The following TMEM132D variants were observed in gnomAD, a reference collection of about 807,000 sequenced individuals.
TMEM132D encodes the protein mature OL transmembrane protein.
In TMEM132D, 21 loss-of-function variants were observed where a neutral mutation model predicts 62.3. The ratio of observed to expected loss-of-function variants is 0.34; its 90% confidence interval spans 0.24 to 0.49. TMEM132D has a LOEUF of 0.49. Among genes scored for constraint, TMEM132D ranks in the 20% least tolerant of loss-of-function variants. TMEM132D has a pLI of 0.99. For synonymous variants in TMEM132D, 621 were observed against 575.6 expected, an observed-to-expected ratio of 1.08 and a Z score of -1.13; for missense variants, 1,346 against 1,402.8, an observed-to-expected ratio of 0.96 and a Z score of 0.65.
At chr12:129,263,720 T>C (rs1358522641) in intron 4 of TMEM132D, among the ~76,000 whole-genome samples, 1 of 151,996 alleles carries the variant, frequency 6.6e-6, no homozygotes, top group Non-Finnish European at 1.5e-5. Flanking sequence ...CTGAGGCACT[T>C]GTGCTTCCAA....
At chr12:129,391,233 G>A (rs1208324973) in intron 3 of TMEM132D, among the ~76,000 whole-genome samples, 2 of 152,156 alleles carry the variant, frequency 1.3e-5, no homozygotes, top group Non-Finnish European at 2.9e-5. Context: ...ATAATAAAAT[G>A]ATCAACAGAT....
chr12:129,509,101 C>G (rs1409005158), intron 3 of TMEM132D, among the ~76,000 whole-genome samples: 2 of 152,112 alleles, frequency 1.3e-5, no homozygotes, highest in Non-Finnish European at 2.9e-5. Flanking sequence ...TTGAATGATT[C>G]AGAATGCCTC....
chr12:129,604,585 C>G (rs906524667), intron 2 of TMEM132D, among the ~76,000 whole-genome samples: 1 of 152,158 alleles, frequency 6.6e-6, no homozygotes, highest in Non-Finnish European at 1.5e-5. Context: ...CATTTCCAGA[C>G]CTGACCCAAC....
chr12:129,514,841 C>T (rs1213685934), intron 3 of TMEM132D, among the ~76,000 whole-genome samples: 1 of 152,128 alleles, frequency 6.6e-6, no homozygotes, highest in Non-Finnish European at 1.5e-5. Context: ...CCCTCCAACC[C>T]CCTGAAATTG....
At chr12:129,842,810 C>T (rs532836940) in intron 1 of TMEM132D, among the ~76,000 whole-genome samples, 1 of 152,238 alleles carries the variant, frequency 6.6e-6, no homozygotes, top group East Asian at 1.9e-4. Context: ...GCCGATCTCC[C>T]CTTTCAGTGG....
At chr12:129,580,847 G>T (rs547350812) in intron 2 of TMEM132D, among the ~76,000 whole-genome samples, 1 of 152,246 alleles carries the variant, frequency 6.6e-6, no homozygotes, top group East Asian at 1.9e-4. Flanking sequence ...TCATGGGCAG[G>T]AGTCTGATAT....
intron 5 of TMEM132D, among the ~76,000 whole-genome samples, chr12:129,100,629 G>A (rs1173359436): frequency 1.3e-5 from 2 of 152,164 alleles, no homozygotes; most frequent in Non-Finnish European, 2.9e-5. Context: ...ATATAATAAG[G>A]CCTCAATAAT....
intron 1 of TMEM132D, among the ~76,000 whole-genome samples, chr12:129,848,366 A>G (rs1429117789): frequency 6.6e-6 from 1 of 152,178 alleles, no homozygotes; most frequent in Admixed American, 6.5e-5. Flanking sequence ...AGAAGTGACA[A>G]TTTTTCTTCT....
At chr12:129,899,349 T>C (rs1225534789) in intron 1 of TMEM132D, among the ~76,000 whole-genome samples, 6 of 127,968 alleles carry the variant, frequency 4.7e-5, no homozygotes, top group African/African-American at 1.8e-4. Flanking sequence ...GGATGATGGA[T>C]GGAGGGATGG....
chr12:129,459,675 C>T (rs1426909994), intron 3 of TMEM132D, among the ~76,000 whole-genome samples: 1 of 152,116 alleles, frequency 6.6e-6, no homozygotes, highest in African/African-American at 2.4e-5. Context: ...CGGGAATTCT[C>T]AAGGATTCAT....
intron 3 of TMEM132D, among the ~76,000 whole-genome samples, chr12:129,490,596 A>ATTTTTTTTTTTTTTTTT (rs35535325): frequency 1.7e-4 from 12 of 71,110 alleles, no homozygotes; most frequent in African/African-American, 4.1e-4. Flanking sequence ...CGCCCGGCTA[A>ATTTTTTTTTTTTTTTTT]TTTTTTTTTT....
At chr12:129,495,498 G>A (rs533304583) in intron 3 of TMEM132D, among the ~76,000 whole-genome samples, 33 of 152,204 alleles carry the variant, frequency 2.2e-4, no homozygotes, top group African/African-American at 7.7e-4. Context: ...TCTAGCTGAT[G>A]GGGGTGTGCC....
chr12:129,891,863 G>A (rs1397907092), intron 1 of TMEM132D, among the ~76,000 whole-genome samples: 2 of 151,980 alleles, frequency 1.3e-5, no homozygotes, highest in Non-Finnish European at 2.9e-5. Flanking sequence ...CACATAGAGA[G>A]TGAACAAAAC....
chr12:129,527,949 G>C (rs777089618), intron 3 of TMEM132D, among the ~76,000 whole-genome samples: 11 of 152,164 alleles, frequency 7.2e-5, no homozygotes, highest in Non-Finnish European at 1.6e-4. Context: ...GCACAAAAGT[G>C]TCTCCTTAAT....
At chr12:129,205,549 C>A (rs1246059509) in intron 5 of TMEM132D, among the ~76,000 whole-genome samples, 1 of 152,096 alleles carries the variant, frequency 6.6e-6, no homozygotes. Context: ...AGACTTAGAT[C>A]CCTATGCAAT....
rs1385959044 is a variant in TMEM132D at position 129,277,685 on chromosome 12, C to T, written c.1299+59949G>A. Among the ~76,000 whole-genome samples the T allele has an allele frequency of 6.6e-6, 1 of 151,986 alleles. No individual in the cohort carries two copies. Among genetic ancestry groups the T allele is most frequent in the African/African-American group, 2.4e-5 (1 of 41,362 alleles). ...TAGTATCTCAATTTTTTAAATTGCC[C>T]GTATTGTGTTTTTCTTATCAGAATC... On this transcript the variant is annotated intron_variant, in intron 4 of 8. Coordinates refer to ENST00000422113, the MANE Select transcript of TMEM132D (RefSeq NM_133448.3). The surrounding 1 kb of genome is among the most constrained non-coding windows in gnomAD (Gnocchi z 4.2).
intron 3 of TMEM132D, among the ~76,000 whole-genome samples, chr12:129,443,945 G>A (rs1873015205): frequency 6.6e-6 from 1 of 152,068 alleles, no homozygotes. Context: ...TAAGAATAAA[G>A]GTACAATAAG....
chr12:129,235,178 T>C (rs1239387946), intron 4 of TMEM132D, among the ~76,000 whole-genome samples: 2 of 152,240 alleles, frequency 1.3e-5, no homozygotes, highest in Non-Finnish European at 2.9e-5. Flanking sequence ...AGTTTACCTA[T>C]AATAAACTCA....
At chr12:129,337,510 G>T in intron 4 of TMEM132D, 124 bp downstream of exon 4, 4 of 1,152,154 alleles carry the variant, frequency 3.5e-6, no homozygotes, top group Admixed American at 2.3e-5. Flanking sequence ...TTGTGGTTTC[G>T]TTTCTCACTG....
Sources: gnomAD v4.1 joint callset for allele counts (sites outside exome capture counted in the v4.1 genomes callset) on GRCh38, gnomAD v4.1.1 for gene constraint, Gnocchi (gnomAD v3.1) non-coding constraint, MANE v1.5 for transcripts, NCBI Gene and HGNC (gene_info 2026-07-23, HGNC 2026-07-21) for gene names.